HERC5: variants seen among roughly 807,000 people sequenced by gnomAD.
HERC5 encodes HECT and RLD domain containing E3 ubiquitin protein ligase 5.
In HERC5, 99 loss-of-function variants were observed where a neutral mutation model predicts 119.6. The observed-to-expected ratio is 0.83, with a 90% CI of 0.70 to 0.98. HERC5 has a LOEUF of 0.98. HERC5 is among the 50% of genes least tolerant of loss of function. The pLI is 0.00. For missense variants in HERC5, 1,267 were observed against 1,241.3 expected (o/e 1.02, Z -0.31); for synonymous variants, 478 against 445.9 (o/e 1.07, Z -0.91).
chr4:88,458,374 C>T (rs1466726369), intron 1 of HERC5, among the ~76,000 whole-genome samples: 6 of 150,796 alleles, frequency 4.0e-5, no homozygotes. Flanking sequence ...AAAAAATGTA[C>T]TCATTTTTGT....
chr4:88,489,073 TA>T, intron 15 of HERC5, 92 bp from the exon 16 acceptor site: 1 of 973,964 alleles, frequency 1.0e-6, no homozygotes, highest in Non-Finnish European at 1.6e-6. Context: ...CCTGCACTTA[TA>T]AGCAGAACCA....
chr4:88,488,335 G>A (rs1484270883), intron 15 of HERC5, among the ~76,000 whole-genome samples: 1 of 151,094 alleles, frequency 6.6e-6, no homozygotes. Flanking sequence ...GGGTTCAAGC[G>A]ATTCTCCTGA....
At chr4:88,495,575 A>T (rs1176284861) in intron 18 of HERC5, among the ~76,000 whole-genome samples, 4 of 152,118 alleles carry the variant, frequency 2.6e-5, no homozygotes, top group Non-Finnish European at 4.4e-5. Context: ...AAAAAAAAGA[A>T]TAAGAACAGT....
Position 88,505,983 on chromosome 4 carries a change from GA to G in HERC5, c.*107del. 2.3e-6 allele frequency: 2 copies of G among 857,784 alleles called. No individual in the cohort carries two copies. The highest frequency in any genetic ancestry group is 3.6e-6 in the Non-Finnish European group (2 of 552,124). 53.1% of individuals were successfully genotyped at this position (857,784 alleles called of 1,614,324 possible). ...TTTTGTTTTAGGCTTTTAGCAGCCT[GA>G]AGCCATGGTTTTTCATTTCTGTCTC... On this transcript the variant is annotated 3_prime_UTR_variant, in exon 23 of 23. Transcript: ENST00000264350.
At position 88,505,856 on chromosome 4, in the gene HERC5, A is replaced by G. The variant is rs201315674; in HGVS notation, c.3053A>G (p.Asn1018Ser). The change falls in exon 23 of 23, where the codon AAC becomes AGC. Residue 1018 changes from asparagine to serine, a missense_variant. Around this residue, in one of 3 missense-constraint regions of HERC5, gnomAD observed 473 missense variants for 445.7 expected, o/e 1.06. Transcript: ENST00000264350. ...TVEEALQEAI[N>S]NNRGFG ...GAAGAAGCGCTTCAAGAAGCCATCA[A>G]CAACAACAGAGGATTTGGCTGACCA... 2.5e-6 allele frequency: 4 copies of G among 1,611,620 alleles called. No homozygotes were observed. The highest frequency in any genetic ancestry group is 4.5e-5 in the East Asian group (2 of 44,810).
At chr4:88,464,668 A>T (rs763824668) in intron 6 of HERC5, among the ~76,000 whole-genome samples, 5 of 151,760 alleles carry the variant, frequency 3.3e-5, no homozygotes, top group Non-Finnish European at 7.4e-5. Context: ...AGCTCACTGC[A>T]ACCTCCGCCT....
intron 13 of HERC5, among the ~76,000 whole-genome samples, chr4:88,480,066 C>CAA (rs58577205): frequency 1.5e-4 from 14 of 93,900 alleles, no homozygotes; most frequent in Non-Finnish European, 1.9e-4. Context: ...GACTCCGTCT[C>CAA]AAAAAAAAAA....
chr4:88,502,160 C>A (rs530356937), intron 20 of HERC5, among the ~76,000 whole-genome samples: 4 of 152,224 alleles, frequency 2.6e-5, no homozygotes, highest in Admixed American at 1.3e-4. Context: ...GAATAATGCT[C>A]TTGTGAACAT....
chr4:88,494,407 T>G, intron 18 of HERC5, 76 bp downstream of exon 18: 1 of 1,187,046 alleles, frequency 8.4e-7, no homozygotes, highest in Non-Finnish European at 1.2e-6. Context: ...ACACGCTTCA[T>G]AATATTTCCA....
At position 88,482,969 on chromosome 4, in the gene HERC5, C is replaced by T. The variant is rs559173077; in HGVS notation, c.1738-3146C>T. 2.0e-5 allele frequency among the ~76,000 whole-genome samples: 3 copies of T among 152,028 alleles called. No homozygotes were observed. In the South Asian group the frequency reaches 6.2e-4, roughly 32 times the overall value. ...TTATATTCAGCAAATTTGCCAAATTCTCATGTTATATCTAGTATTTACTTA... is the reference window on the plus strand; with the variant it reads ...TTATATTCAGCAAATTTGCCAAATTTTCATGTTATATCTAGTATTTACTTA... On this transcript the variant is annotated intron_variant, in intron 13 of 22. Coordinates refer to ENST00000264350, the MANE Select transcript of HERC5 (RefSeq NM_016323.4).
chr4:88,479,147 T>G (rs1247131488), intron 12 of HERC5, among the ~76,000 whole-genome samples: 4 of 151,710 alleles, frequency 2.6e-5, no homozygotes, highest in Non-Finnish European at 1.5e-5. Flanking sequence ...TAGCCGGGCA[T>G]GGTGGTAGGC....
intron 1 of HERC5, chr4:88,457,766 C>A: frequency 3.1e-6 from 2 of 653,648 alleles, no homozygotes; most frequent in South Asian, 8.2e-5. Context: ...CTCCGCTCAG[C>A]AAAGTGGCCG....
intron 13 of HERC5, among the ~76,000 whole-genome samples, chr4:88,480,086 GAAAT>G (rs1371953476): frequency 7.4e-6 from 1 of 135,924 alleles, no homozygotes; most frequent in Non-Finnish European, 1.6e-5. Flanking sequence ...AAAAAAAAAA[GAAAT>G]AACCTGTGTG....
At chr4:88,492,185 G>A (rs1035592629) in intron 16 of HERC5, among the ~76,000 whole-genome samples, 2 of 151,614 alleles carry the variant, frequency 1.3e-5, no homozygotes, top group African/African-American at 2.4e-5. Context: ...TGTATTTTTA[G>A]TAGAGACGGG....
At chr4:88,495,145 G>A (rs1741762259) in intron 18 of HERC5, among the ~76,000 whole-genome samples, 1 of 152,124 alleles carries the variant, frequency 6.6e-6, no homozygotes, top group Admixed American at 6.5e-5. Context: ...AATATATACT[G>A]TATTTATAGT....
rs1163426669 is a variant in HERC5 at position 88,465,855 on chromosome 4, G to T, written c.912-1204G>T. Among the ~76,000 whole-genome samples, 5 of 152,224 alleles carry T rather than the reference G, an allele frequency of 3.3e-5. No homozygotes were observed. In the South Asian group the frequency reaches 8.3e-4, roughly 25 times the overall value. ...GAGGGCTGCAAATGCTGAGCTTGTGGCTGTCACCTCCCCTTGGAGCAGGTG... is the reference window on the plus strand; with the variant it reads ...GAGGGCTGCAAATGCTGAGCTTGTGTCTGTCACCTCCCCTTGGAGCAGGTG... On this transcript the variant is annotated intron_variant, in intron 6 of 22. Coordinates refer to ENST00000264350, the MANE Select transcript of HERC5 (RefSeq NM_016323.4).
chr4:88,488,224 CTTTTTTTTTCTTTT>C (rs1409085859), intron 15 of HERC5, among the ~76,000 whole-genome samples: 6 of 148,252 alleles, frequency 4.0e-5, no homozygotes, highest in African/African-American at 1.5e-4. Flanking sequence ...AAAGCATAGA[CTTTTTTTTTCTTTT>C]TTTTTTTTTT....
Position 88,463,893 on chromosome 4 carries a change from G to A in HERC5, c.819G>A (p.Gly273=). 1 of 1,613,850 alleles carries A rather than the reference G, an allele frequency of 6.2e-7. No individual in the cohort carries two copies. The highest frequency in any genetic ancestry group is 8.5e-7 in the Non-Finnish European group (1 of 1,179,952). ...TTACTTTCGGTGCTGGAAAACATGG[G>A]CAACTTGGTCATAATTCAACACAGA... ...LLFTFGAGKH[G]QLGHNSTQNE... The change falls in exon 6 of 23, where the codon GGG becomes GGA. Residue 273 remains glycine (G), a synonymous_variant. Coordinates refer to ENST00000264350, the MANE Select transcript of HERC5 (RefSeq NM_016323.4).
intron 11 of HERC5, among the ~76,000 whole-genome samples, chr4:88,472,710 A>G (rs556096511): frequency 6.6e-6 from 1 of 152,210 alleles, no homozygotes; most frequent in East Asian, 1.9e-4. Flanking sequence ...CAGATATTCT[A>G]AATAGTGTGT....
Sources: allele counts gnomAD v4.1 joint callset (sites outside exome capture counted in the v4.1 genomes callset), GRCh38; gene constraint gnomAD v4.1.1; regional missense constraint gnomAD v4.1.1; transcripts MANE v1.5; gene names NCBI Gene and HGNC (gene_info 2026-07-23, HGNC 2026-07-21).